Variants in BBS9 observed in about 807,000 individuals in gnomAD.
BBS9 encodes the protein Bardet-Biedl syndrome 9.
A neutral mutation model predicts 117.7 loss-of-function variants in BBS9; 89 were observed. That is an observed-to-expected ratio of 0.76 (90% CI 0.64 to 0.90). The LOEUF (loss-of-function observed/expected upper bound fraction) is 0.90. Among genes scored for constraint, BBS9 ranks in the 40% least tolerant of loss-of-function variants. The pLI, the probability that BBS9 is intolerant of heterozygous loss-of-function variation, is 0.00. For synonymous variants in BBS9, 379 were observed against 370.9 expected, an observed-to-expected ratio of 1.02 and a Z score of -0.25; for missense variants, 982 against 1,042.2, an observed-to-expected ratio of 0.94 and a Z score of 0.80.
At chr7:33,255,647 C>G (rs1583908528) in intron 5 of BBS9, among the ~76,000 whole-genome samples, 1 of 152,296 alleles carries the variant, frequency 6.6e-6, no homozygotes, top group East Asian at 1.9e-4. Context: ...AAAGACCTTG[C>G]AGCATTTATT....
intron 6 of BBS9, among the ~76,000 whole-genome samples, chr7:33,263,031 G>T (rs1433545009): frequency 6.6e-6 from 1 of 152,086 alleles, no homozygotes; most frequent in African/African-American, 2.4e-5. Flanking sequence ...TTTTTCCATT[G>T]TTAATGTTTG....
At chr7:33,305,738 A>G (rs78626103) in intron 9 of BBS9, among the ~76,000 whole-genome samples, 5,784 of 152,056 alleles carry the variant, frequency 0.038, 197 homozygotes, top group African/African-American at 0.089. Context: ...TTTATGTATC[A>G]TTGGTTGTAA....
At chr7:33,171,564 C>T (rs185633075) in intron 4 of BBS9, among the ~76,000 whole-genome samples, 1 of 152,220 alleles carries the variant, frequency 6.6e-6, no homozygotes, top group East Asian at 1.9e-4. Flanking sequence ...AATTTTATAT[C>T]AGTATTTGTG....
Position 33,336,557 on chromosome 7 carries a change from A to G in BBS9, c.1133A>G (p.Tyr378Cys), listed in dbSNP as rs996121499. ...AACGTTCAATCTCGAGAACTAAACT[A>G]TGATGAACTTGATGTAGAAATGAAA... is the stretch of plus-strand genomic sequence containing the variant. ...APNVQSRELN[Y>C]DELDVEMKEL... Residue 378 changes from tyrosine to cysteine, a missense_variant, in exon 10 of 23, where the codon TAT becomes TGT. Coordinates refer to ENST00000242067, the MANE Select transcript of BBS9 (RefSeq NM_198428.3). 2 of 1,613,196 alleles carry G rather than the reference A, an allele frequency of 1.2e-6. No homozygotes were observed. The highest frequency in any genetic ancestry group is 1.7e-6 in the Non-Finnish European group (2 of 1,179,472).
chr7:33,252,654 A>C (rs1796393399), intron 5 of BBS9, among the ~76,000 whole-genome samples: 1 of 151,950 alleles, frequency 6.6e-6, no homozygotes, highest in Non-Finnish European at 1.5e-5. Context: ...CACATATTGA[A>C]ATGAACACAA....
At chr7:33,547,081 C>T (rs1003848742) in intron 21 of BBS9, among the ~76,000 whole-genome samples, 3 of 152,060 alleles carry the variant, frequency 2.0e-5, no homozygotes, top group Admixed American at 2.0e-4. Context: ...ATAATACATA[C>T]AATCTCATAT....
At chr7:33,213,185 T>C (rs1219052172) in intron 5 of BBS9, among the ~76,000 whole-genome samples, 1 of 152,212 alleles carries the variant, frequency 6.6e-6, no homozygotes, top group East Asian at 1.9e-4. Flanking sequence ...AAGCTGGCAC[T>C]CAAACCACAA....
intron 20 of BBS9, among the ~76,000 whole-genome samples, chr7:33,516,110 G>A (rs368921828): frequency 3.7e-4 from 57 of 152,218 alleles, no homozygotes; most frequent in South Asian, 2.9e-3. Flanking sequence ...TAGCATGACC[G>A]GAACCTGAAA....
intron 19 of BBS9, among the ~76,000 whole-genome samples, chr7:33,407,036 G>C (rs1306044854): frequency 7.9e-5 from 12 of 152,008 alleles, no homozygotes; most frequent in Non-Finnish European, 8.8e-5. Context: ...TGTTTTCCAA[G>C]TTGGTTCCAT....
chr7:33,559,416 A>G (rs886727224), intron 21 of BBS9, among the ~76,000 whole-genome samples: 1 of 152,186 alleles, frequency 6.6e-6, no homozygotes, highest in Non-Finnish European at 1.5e-5. Context: ...TTTAAGAAAT[A>G]TAACCCAAGA....
chr7:33,169,209 A>G (rs1333921397), intron 4 of BBS9, among the ~76,000 whole-genome samples: 1 of 151,044 alleles, frequency 6.6e-6, no homozygotes, highest in African/African-American at 2.4e-5. Flanking sequence ...CCAGTCTATC[A>G]TTGTTGGGCA....
chr7:33,413,223 C>T (rs1036323697), intron 19 of BBS9, among the ~76,000 whole-genome samples: 1 of 152,168 alleles, frequency 6.6e-6, no homozygotes, highest in Non-Finnish European at 1.5e-5. Flanking sequence ...CAGTCTCACT[C>T]CTACTGTCAG....
At chr7:33,422,132 T>A (rs974955471) in intron 19 of BBS9, among the ~76,000 whole-genome samples, 1 of 152,192 alleles carries the variant, frequency 6.6e-6, no homozygotes, top group Non-Finnish European at 1.5e-5. Context: ...CTTGTAAATA[T>A]AAATTGTATG....
chr7:33,472,889 T>C (rs1489851081), intron 19 of BBS9, among the ~76,000 whole-genome samples: 2 of 152,178 alleles, frequency 1.3e-5, no homozygotes, highest in African/African-American at 4.8e-5. Context: ...ACAGAACAAA[T>C]TGCTTTTCCA....
chr7:33,497,284 C>G (rs1382302297), intron 19 of BBS9, among the ~76,000 whole-genome samples: 2 of 152,130 alleles, frequency 1.3e-5, no homozygotes, highest in Non-Finnish European at 2.9e-5. Flanking sequence ...CCTGACAGTG[C>G]CTGATTCAGT....
intron 21 of BBS9, among the ~76,000 whole-genome samples, chr7:33,575,516 C>T (rs1317474682): frequency 1.3e-5 from 2 of 152,098 alleles, no homozygotes; most frequent in Non-Finnish European, 2.9e-5. Flanking sequence ...TGAAACTATT[C>T]CAATCAATAG....
intron 21 of BBS9, among the ~76,000 whole-genome samples, chr7:33,616,398 A>G (rs1327526229): frequency 6.7e-6 from 1 of 150,050 alleles, no homozygotes; most frequent in African/African-American, 2.4e-5. Flanking sequence ...GTGGACTTGG[A>G]TTAGTTGTAA....
At chr7:33,286,946 T>C (rs1200114665) in intron 9 of BBS9, among the ~76,000 whole-genome samples, 1 of 152,142 alleles carries the variant, frequency 6.6e-6, no homozygotes, top group African/African-American at 2.4e-5. Flanking sequence ...TGGGAAAAAG[T>C]GATTTTTTTT....
chr7:33,629,780 A>C (rs1562544566), intron 21 of BBS9, among the ~76,000 whole-genome samples: 1 of 152,198 alleles, frequency 6.6e-6, no homozygotes, highest in Non-Finnish European at 1.5e-5. Context: ...ATTTCTGTGA[A>C]ACCATGTATT....
Sources: allele counts gnomAD v4.1 joint callset (sites outside exome capture counted in the v4.1 genomes callset), GRCh38; gene constraint gnomAD v4.1.1; transcripts MANE v1.5; gene names NCBI Gene and HGNC (gene_info 2026-07-23, HGNC 2026-07-21).